GALNTL6: variants seen among roughly 807,000 people sequenced by gnomAD.
GALNTL6 encodes the protein polypeptide N-acetylgalactosaminyltransferase like 6, also known as polypeptide N-acetylgalactosaminyltransferase-like 6.
GALNTL6 carries 46 observed loss-of-function variants against 73.7 expected under a neutral mutation model. That is an observed-to-expected ratio of 0.62 (90% CI 0.49 to 0.80). The LOEUF (loss-of-function observed/expected upper bound fraction) is 0.80, where lower values mean the gene tolerates loss of function less well. Among genes scored for constraint, GALNTL6 ranks in the 30% least tolerant of loss-of-function variants. GALNTL6 has a pLI of 0.00. For missense variants in GALNTL6, 604 were observed against 755.0 expected (o/e 0.80, Z 2.34); for synonymous variants, 259 against 263.7 (o/e 0.98, Z 0.17).
intron 5 of GALNTL6, among the ~76,000 whole-genome samples, chr4:172,566,174 A>G (rs1460011593): frequency 6.6e-6 from 1 of 152,192 alleles, no homozygotes; most frequent in Admixed American, 6.5e-5. Context: ...AGCCTTAAAC[A>G]ACACTGTAGA....
intron 5 of GALNTL6, among the ~76,000 whole-genome samples, chr4:172,367,609 G>C (rs80021474): frequency 0.023 from 3,480 of 152,238 alleles, 61 homozygotes; most frequent in Non-Finnish European, 0.036. Context: ...ATTGAATATA[G>C]CTTAATTAAT....
At chr4:171,950,912 T>C (rs1038872873) in intron 2 of GALNTL6, among the ~76,000 whole-genome samples, 2 of 151,290 alleles carry the variant, frequency 1.3e-5, no homozygotes, top group African/African-American at 4.9e-5. Flanking sequence ...ATAGAGAGAA[T>C]GAAATGTAAA....
intron 5 of GALNTL6, among the ~76,000 whole-genome samples, chr4:172,530,562 G>C (rs942322361): frequency 3.9e-5 from 6 of 152,118 alleles, no homozygotes; most frequent in African/African-American, 1.4e-4. Context: ...CAGCTGTCTT[G>C]TTAATCAGGA....
At chr4:172,189,054 C>G (rs969623099) in intron 2 of GALNTL6, among the ~76,000 whole-genome samples, 1 of 152,160 alleles carries the variant, frequency 6.6e-6, no homozygotes, top group Non-Finnish European at 1.5e-5. Context: ...TTCTTGTTAA[C>G]TGTGTTTTCA....
chr4:171,984,995 CAAAAA>C (rs368531253), intron 2 of GALNTL6, among the ~76,000 whole-genome samples: 1 of 136,398 alleles, frequency 7.3e-6, no homozygotes, highest in South Asian at 2.3e-4. Flanking sequence ...TCAGCAAAAA[CAAAAA>C]AAAAAAAGAA....
chr4:171,959,695 A>G (rs80039260), intron 2 of GALNTL6, among the ~76,000 whole-genome samples: 3,036 of 152,288 alleles, frequency 0.02, 106 homozygotes, highest in African/African-American at 0.065. Flanking sequence ...AAGAAAGAGA[A>G]ATCTGTTTAT....
intron 4 of GALNTL6, among the ~76,000 whole-genome samples, chr4:172,319,255 A>G (rs1740674981): frequency 6.6e-6 from 1 of 152,328 alleles, no homozygotes; most frequent in South Asian, 2.1e-4. Context: ...GTGATGCCAA[A>G]CAGTGGCATT....
intron 7 of GALNTL6, among the ~76,000 whole-genome samples, chr4:172,858,690 G>A (rs936090357): frequency 6.6e-6 from 1 of 152,134 alleles, no homozygotes; most frequent in Non-Finnish European, 1.5e-5. Context: ...AAAGCACTAA[G>A]TAGACTAAAA....
At chr4:173,006,559 C>G (rs1305427093) in intron 10 of GALNTL6, among the ~76,000 whole-genome samples, 1 of 152,170 alleles carries the variant, frequency 6.6e-6, no homozygotes, top group African/African-American at 2.4e-5. Context: ...GTATTTTAAG[C>G]TTGGCTTCAC....
At chr4:172,662,464 C>T (rs1445049510) in intron 5 of GALNTL6, among the ~76,000 whole-genome samples, 1 of 152,176 alleles carries the variant, frequency 6.6e-6, no homozygotes, top group Non-Finnish European at 1.5e-5. Context: ...TCTGCTTTCT[C>T]CTTTCTGCCA....
At chr4:172,818,044 C>A (rs1281716378) in intron 7 of GALNTL6, among the ~76,000 whole-genome samples, 2 of 152,178 alleles carry the variant, frequency 1.3e-5, no homozygotes, top group African/African-American at 2.4e-5. Flanking sequence ...ATTTTCAGTT[C>A]TATCACCATG....
intron 2 of GALNTL6, among the ~76,000 whole-genome samples, chr4:171,916,813 T>C (rs1318764608): frequency 6.6e-6 from 1 of 152,114 alleles, no homozygotes; most frequent in Non-Finnish European, 1.5e-5. Flanking sequence ...GTAAAGGCAC[T>C]TTGTTATTGA....
chr4:171,926,368 G>C (rs891559717), intron 2 of GALNTL6, among the ~76,000 whole-genome samples: 1 of 151,974 alleles, frequency 6.6e-6, no homozygotes, highest in Non-Finnish European at 1.5e-5. Flanking sequence ...AATTCAGAAG[G>C]CTATTGTATG....
At chr4:172,025,738 T>G (rs892034150) in intron 2 of GALNTL6, among the ~76,000 whole-genome samples, 6 of 151,994 alleles carry the variant, frequency 3.9e-5, no homozygotes, top group Non-Finnish European at 8.8e-5. Context: ...CTTTGGAACT[T>G]TGATTTATGC....
chr4:171,829,370 C>A (rs1360480600), intron 2 of GALNTL6, among the ~76,000 whole-genome samples: 2 of 152,114 alleles, frequency 1.3e-5, no homozygotes, highest in African/African-American at 4.8e-5. Context: ...GCAGGCTACT[C>A]CAGTCTTAAA....
intron 5 of GALNTL6, among the ~76,000 whole-genome samples, chr4:172,523,468 T>C (rs993379224): frequency 3.9e-5 from 6 of 152,028 alleles, no homozygotes; most frequent in East Asian, 3.9e-4. Context: ...GGGCTCAAGT[T>C]ATCCTCCCAC....
intron 5 of GALNTL6, among the ~76,000 whole-genome samples, chr4:172,541,922 A>G (rs1041972168): frequency 6.6e-6 from 1 of 151,882 alleles, no homozygotes; most frequent in Non-Finnish European, 1.5e-5. Flanking sequence ...GTTTCAGATT[A>G]TTTTCTACTG....
chr4:172,971,391 G>T (rs1750574818), intron 10 of GALNTL6, among the ~76,000 whole-genome samples: 1 of 152,228 alleles, frequency 6.6e-6, no homozygotes, highest in Non-Finnish European at 1.5e-5. Flanking sequence ...CAATCTGCTG[G>T]AGAAGGAGCA....
At position 172,135,255 on chromosome 4, in the gene GALNTL6, T is replaced by C. The variant is rs558927448; in HGVS notation, c.139-94401T>C. 2.6e-5 allele frequency among the ~76,000 whole-genome samples: 4 copies of C among 152,306 alleles called. No homozygotes were observed. The South Asian group carries it at 8.3e-4, about 32-fold the overall frequency. ...ATTAGTGAAATTTTCCAGAAAATTA[T>C]GTATTCTTGAAAATTAAATAAATTA... On this transcript the variant is annotated intron_variant, in intron 2 of 12. Coordinates refer to ENST00000506823, the MANE Select transcript of GALNTL6 (RefSeq NM_001034845.3).
Sources: gnomAD v4.1 joint callset for allele counts (sites outside exome capture counted in the v4.1 genomes callset) on GRCh38, gnomAD v4.1.1 for gene constraint, MANE v1.5 for transcripts, NCBI Gene and HGNC (gene_info 2026-07-23, HGNC 2026-07-21) for gene names.